The following KLHL2 variants were observed in gnomAD, a reference collection of about 807,000 sequenced individuals.
KLHL2 encodes kelch-like protein 2.
Under a neutral mutation model 75.8 loss-of-function variants are expected in KLHL2, and 15 were observed. The ratio of observed to expected loss-of-function variants is 0.20; its 90% CI spans 0.13 to 0.30. KLHL2 has a LOEUF of 0.30. Among genes scored for constraint, KLHL2 ranks in the 10% least tolerant of loss-of-function variants. The pLI is 1.00. For synonymous variants in KLHL2, 214 were observed against 251.9 expected, an observed-to-expected ratio of 0.85 and a Z score of 1.42; for missense variants, 381 against 741.0, an observed-to-expected ratio of 0.51 and a Z score of 5.64.
intron 7 of KLHL2, 104 bp from the exon 8 acceptor site, chr4:165,299,403 G>A: frequency 9.9e-7 from 1 of 1,011,066 alleles, no homozygotes; most frequent in Non-Finnish European, 1.4e-6. Flanking sequence ...CTAAACTAAA[G>A]GATATAGTTA....
chr4:165,318,430 A>T (rs1374554041), intron 14 of KLHL2, among the ~76,000 whole-genome samples: 1 of 152,186 alleles, frequency 6.6e-6, no homozygotes, highest in Admixed American at 6.5e-5. Context: ...TTCTCTTAGT[A>T]AGATAAATGT....
At chr4:165,292,836 A>C (rs1744618624) in intron 5 of KLHL2, among the ~76,000 whole-genome samples, 1 of 152,228 alleles carries the variant, frequency 6.6e-6, no homozygotes, top group African/African-American at 2.4e-5. Context: ...AATATGGTTC[A>C]TTGTGACGAC....
chr4:165,212,359 A>G (rs1737247591), intron 1 of KLHL2, among the ~76,000 whole-genome samples: 1 of 152,204 alleles, frequency 6.6e-6, no homozygotes, highest in Non-Finnish European at 1.5e-5. Flanking sequence ...CAGAGGGGGA[A>G]TAGCATTCCA....
chr4:165,260,841 T>C (rs1160316480), intron 4 of KLHL2, among the ~76,000 whole-genome samples: 2 of 152,214 alleles, frequency 1.3e-5, no homozygotes, highest in Admixed American at 6.5e-5. Context: ...ATAGGTTAAA[T>C]TGCTGGGTCA....
At chr4:165,251,818 C>G (rs1349603974) in intron 4 of KLHL2, among the ~76,000 whole-genome samples, 1 of 151,808 alleles carries the variant, frequency 6.6e-6, no homozygotes, top group Non-Finnish European at 1.5e-5. Context: ...ACCGTTTTAG[C>G]CGGGATGGTC....
At chr4:165,251,644 C>G (rs1274902369) in intron 4 of KLHL2, among the ~76,000 whole-genome samples, 2 of 142,582 alleles carry the variant, frequency 1.4e-5, no homozygotes. Context: ...GAGTCTCGCT[C>G]TGTCGCCCAG....
intron 5 of KLHL2, chr4:165,278,317 A>C (rs765572739): frequency 1.8e-6 from 2 of 1,098,274 alleles, no homozygotes; most frequent in South Asian, 2.5e-5. Context: ...CTACTGGAAT[A>C]TACAGAATGT....
At chr4:165,254,955 G>A (rs375787018) in intron 4 of KLHL2, among the ~76,000 whole-genome samples, 7 of 137,898 alleles carry the variant, frequency 5.1e-5, no homozygotes, top group Non-Finnish European at 9.8e-5. Context: ...GAAAAAAAGC[G>A]CTGAGTCAGA....
At chr4:165,258,395 CAAA>C (rs56083222) in intron 4 of KLHL2, among the ~76,000 whole-genome samples, 28,850 of 105,388 alleles carry the variant, frequency 0.27, 2,822 homozygotes, top group Non-Finnish European at 0.35. Flanking sequence ...TTAACTATGA[CAAA>C]AAAAAAAAAA....
At chr4:165,299,385 T>A (rs546991040) in intron 7 of KLHL2, 122 bp from the exon 8 acceptor site, 1 of 838,304 alleles carries the variant, frequency 1.2e-6, no homozygotes, top group Non-Finnish European at 1.7e-6. Flanking sequence ...TCCTCGTTTA[T>A]TTTTAGACTA....
At chr4:165,304,369 T>G (rs1745573293) in intron 8 of KLHL2, among the ~76,000 whole-genome samples, 1 of 152,250 alleles carries the variant, frequency 6.6e-6, no homozygotes, top group East Asian at 1.9e-4. Context: ...TAATTCTAAG[T>G]ACAGGTAGGT....
At chr4:165,285,610 TTGGCCAGGC>T (rs1234391381) in intron 5 of KLHL2, among the ~76,000 whole-genome samples, 9 of 152,146 alleles carry the variant, frequency 5.9e-5, no homozygotes, top group Non-Finnish European at 2.9e-5. Flanking sequence ...TTTCATCATG[TTGGCCAGGC>T]TGGTATCGAA....
intron 4 of KLHL2, among the ~76,000 whole-genome samples, chr4:165,245,999 T>C (rs1327959654): frequency 6.6e-6 from 1 of 152,140 alleles, no homozygotes; most frequent in African/African-American, 2.4e-5. Flanking sequence ...ATAGATAAGG[T>C]CCCTGTCTTG....
chr4:165,209,537 T>C (rs1412026752), intron 1 of KLHL2: 2 of 152,140 alleles, frequency 1.3e-5, no homozygotes, highest in African/African-American at 4.8e-5. Context: ...TAAATTGAAA[T>C]AATAAAAAAT....
intron 5 of KLHL2, among the ~76,000 whole-genome samples, chr4:165,293,362 T>A (rs114922845): frequency 0.016 from 2,499 of 152,164 alleles, 61 homozygotes; most frequent in African/African-American, 0.055. Flanking sequence ...GGGAAAAAAA[T>A]TTTTTAAGTA....
intron 4 of KLHL2, among the ~76,000 whole-genome samples, chr4:165,242,275 C>T (rs1739876433): frequency 6.6e-6 from 1 of 152,096 alleles, no homozygotes; most frequent in African/African-American, 2.4e-5. Flanking sequence ...AGAGAAAATA[C>T]AGTCAAAGGC....
At chr4:165,243,542 A>G (rs901029351) in intron 4 of KLHL2, among the ~76,000 whole-genome samples, 3 of 152,278 alleles carry the variant, frequency 2.0e-5, no homozygotes, top group African/African-American at 7.2e-5. Context: ...TGAGACGGAC[A>G]CTTTCTATCT....
chr4:165,216,638 A>G lies in KLHL2; in HGVS notation c.27-3296A>G, dbSNP rs377462007. Reference sequence around the variant, plus strand: ...ACTTAACTAGTTATTCCTAGTATGTATATGTATATATGTCTCACATCTATA... The same window carrying G: ...ACTTAACTAGTTATTCCTAGTATGTGTATGTATATATGTCTCACATCTATA... On this transcript the variant is annotated intron_variant, in intron 1 of 14. Coordinates refer to ENST00000226725, the MANE Select transcript of KLHL2 (RefSeq NM_007246.4). 1.7e-4 allele frequency among the ~76,000 whole-genome samples: 26 copies of G among 152,306 alleles called. No homozygotes were observed. In the East Asian group the frequency reaches 1.9e-3, roughly 11 times the overall value.
intron 4 of KLHL2, among the ~76,000 whole-genome samples, chr4:165,251,632 C>T (rs1289478937): frequency 1.1e-4 from 13 of 118,140 alleles, no homozygotes; most frequent in African/African-American, 3.4e-4. Context: ...TTTTTTGAGA[C>T]GGAGTCTCGC....
Sources: allele counts gnomAD v4.1 joint callset (sites outside exome capture counted in the v4.1 genomes callset), GRCh38; gene constraint gnomAD v4.1.1; transcripts MANE v1.5; gene names NCBI Gene and HGNC (gene_info 2026-07-23, HGNC 2026-07-21).